LINGO1: variants seen among roughly 807,000 people sequenced by gnomAD.
The protein encoded by LINGO1 is leucine-rich repeat and immunoglobulin-like domain-containing nogo receptor-interacting protein 1.
In LINGO1, 11 loss-of-function variants were observed where a neutral mutation model predicts 37.3. That is an observed-to-expected ratio of 0.29 (90% CI 0.19 to 0.49). LINGO1 has a LOEUF of 0.49. LINGO1 is among the 20% of genes least tolerant of loss of function. LINGO1 has a pLI of 0.99. For missense variants in LINGO1, 585 were observed against 878.2 expected, an observed-to-expected ratio of 0.67 and a Z score of 4.22; for synonymous variants, 387 against 403.0, an observed-to-expected ratio of 0.96 and a Z score of 0.48.
At position 77,626,973 on chromosome 15, in the gene LINGO1, C is replaced by T. The variant is rs148151292; in HGVS notation, c.6+5337G>A. On this transcript the variant is annotated intron_variant, in intron 1 of 1. Transcript: ENST00000355300. ...GTCCCCGCCCCCCCAACCCCCCATCCGCAGCCCTGCACTGGGCTAGGCAGA... is the reference window on the plus strand; with the variant it reads ...GTCCCCGCCCCCCCAACCCCCCATCTGCAGCCCTGCACTGGGCTAGGCAGA... Among the ~76,000 whole-genome samples, 164 of 135,318 alleles carry T rather than the reference C, an allele frequency of 1.2e-3. 2 individuals carry two copies. Among genetic ancestry groups the T allele is most frequent in the African/African-American group, 5.0e-3 (149 of 29,976 alleles). The allele number at this position is 135,318 out of a possible 152,430, so 88.8% of individuals were successfully genotyped here. A position where few individuals can be genotyped will look rare whatever the true frequency, so the allele number is the denominator to read the frequency against.
intron 2 of LINGO1, among the ~76,000 whole-genome samples, chr15:77,679,119 T>G (rs2141222770): frequency 6.6e-6 from 1 of 152,298 alleles, no homozygotes. Context: ...AGGGCTGGTC[T>G]CGAACTCCTC....
chr15:77,614,361 T>G lies in LINGO1; in HGVS notation c.1546A>C (p.Ser516Arg). The G allele has an allele frequency of 6.2e-7, 1 of 1,613,828 alleles. No homozygotes were observed. Among genetic ancestry groups the G allele is most frequent in the Non-Finnish European group, 8.5e-7 (1 of 1,179,874 alleles). ...DSMPAHLHVR[S>R]YSPDWPHQPN... The stretch of plus-strand genomic sequence containing the variant: ...TGATGGGGCCAGTCGGGCGAGTAGC[T>G]GCGCACATGCAGGTGGGCGGGCATG... The change falls in exon 2 of 2, where the codon AGC becomes CGC. Residue 516 changes from serine to arginine, a missense_variant. Physicochemically the swap from Ser to Arg is moderately radical, Grantham distance 110. Coordinates refer to ENST00000355300, the MANE Select transcript of LINGO1 (RefSeq NM_032808.7).
At chr15:77,760,170 C>T (rs1483132211) in intron 1 of LINGO1, among the ~76,000 whole-genome samples, 3 of 152,064 alleles carry the variant, frequency 2.0e-5, no homozygotes, top group African/African-American at 4.8e-5. Context: ...CTCTCTCCTC[C>T]GTGGTGAAGG....
upstream of LINGO1, among the ~76,000 whole-genome samples, chr15:77,791,693 G>A (rs1341565906): frequency 6.6e-6 from 1 of 152,136 alleles, no homozygotes; most frequent in African/African-American, 2.4e-5. Flanking sequence ...GGCCTGGCCT[G>A]CTCCAGACTC....
chr15:77,804,263 C>G (rs1163679887), intron 1 of LINGO1, among the ~76,000 whole-genome samples: 1 of 152,204 alleles, frequency 6.6e-6, no homozygotes, highest in East Asian at 1.9e-4. Context: ...AAGCACCAGG[C>G]AGGAACAGGG....
At chr15:77,647,041 C>T (rs369369739) in intron 3 of LINGO1, among the ~76,000 whole-genome samples, 4 of 134,946 alleles carry the variant, frequency 3.0e-5, no homozygotes, top group South Asian at 2.6e-4. Flanking sequence ...GACGGGCCCC[C>T]GGTATTCACT....
Position 77,750,585 on chromosome 15 carries a change from T to G in LINGO1, c.-256-15532A>C, listed in dbSNP as rs2076361219. 2.6e-5 allele frequency among the ~76,000 whole-genome samples: 4 copies of G among 152,240 alleles called. No individual in the cohort carries two copies. The South Asian group carries it at 8.3e-4, about 32-fold the overall frequency. ...ATCTCTCCCACCTCCTGGGCCTGCT[T>G]CTGGTCTGGTCCACCCACCCAACCC... is the stretch of plus-strand genomic sequence containing the variant. On this transcript the variant is annotated intron_variant, in intron 1 of 3. Transcript: ENST00000561686.
chr15:77,743,326 C>T (rs935286068), intron 1 of LINGO1, among the ~76,000 whole-genome samples: 2 of 152,156 alleles, frequency 1.3e-5, no homozygotes, highest in Non-Finnish European at 2.9e-5. Context: ...GGACAGAGAG[C>T]CCCAGGGCCC....
intron 2 of LINGO1, among the ~76,000 whole-genome samples, chr15:77,792,603 C>G (rs947195581): frequency 6.6e-6 from 1 of 152,244 alleles, no homozygotes; most frequent in African/African-American, 2.4e-5. Context: ...CAGAGAAGGG[C>G]TCCAGAGAAG....
chr15:77,631,033 G>A (rs1159822737), intron 1 of LINGO1, among the ~76,000 whole-genome samples: 2 of 152,208 alleles, frequency 1.3e-5, no homozygotes, highest in Non-Finnish European at 2.9e-5. Flanking sequence ...AAGGGTCTGG[G>A]AGCAGCTGGC....
At chr15:77,635,924 C>A (rs1316951301), upstream of LINGO1, among the ~76,000 whole-genome samples, 1 of 152,240 alleles carries the variant, frequency 6.6e-6, no homozygotes, top group Non-Finnish European at 1.5e-5. Flanking sequence ...CTGCTCACTG[C>A]AAAGTGGAGA....
intron 3 of LINGO1, among the ~76,000 whole-genome samples, chr15:77,641,562 A>G (rs1168307807): frequency 2.6e-5 from 4 of 152,186 alleles, no homozygotes; most frequent in Non-Finnish European, 4.4e-5. Flanking sequence ...GTTAGCTAAG[A>G]CTAACGAAGG....
At chr15:77,658,673 G>C (rs1483721452) in intron 3 of LINGO1, among the ~76,000 whole-genome samples, 1 of 152,242 alleles carries the variant, frequency 6.6e-6, no homozygotes, top group East Asian at 1.9e-4. Flanking sequence ...GGGAATGTCT[G>C]CTTTCAGCAC....
chr15:77,736,187 G>A (rs1343564854), intron 1 of LINGO1, among the ~76,000 whole-genome samples: 1 of 152,232 alleles, frequency 6.6e-6, no homozygotes, highest in Non-Finnish European at 1.5e-5. Flanking sequence ...GTGCAAATGT[G>A]TGTGCAATCC....
chr15:77,641,261 G>A (rs1294845872), intron 3 of LINGO1, among the ~76,000 whole-genome samples: 1 of 152,202 alleles, frequency 6.6e-6, no homozygotes, highest in Non-Finnish European at 1.5e-5. Context: ...TTCTCCAGCT[G>A]ATGGGTCCCC....
chr15:77,670,366 T>A (rs1476822074), intron 3 of LINGO1, among the ~76,000 whole-genome samples: 1 of 152,266 alleles, frequency 6.6e-6, no homozygotes, highest in East Asian at 1.9e-4. Context: ...ATATTTCAAT[T>A]TTTTAAAACC....
At chr15:77,687,959 C>T (rs528513072) in intron 2 of LINGO1, among the ~76,000 whole-genome samples, 2 of 152,214 alleles carry the variant, frequency 1.3e-5, no homozygotes, top group African/African-American at 2.4e-5. Context: ...TTTATCCTTG[C>T]GGACAGGCTC....
At chr15:77,703,229 T>A (rs769297690) in intron 2 of LINGO1, among the ~76,000 whole-genome samples, 1 of 152,180 alleles carries the variant, frequency 6.6e-6, no homozygotes, top group South Asian at 2.1e-4. Flanking sequence ...TCTGGACCAG[T>A]TCCCCCATGA....
At chr15:77,717,553 C>T (rs1474969111) in intron 2 of LINGO1, among the ~76,000 whole-genome samples, 2 of 150,928 alleles carry the variant, frequency 1.3e-5, no homozygotes, top group South Asian at 2.1e-4. Context: ...TGTGAAAGCA[C>T]GTTTCCCTCT....
Sources: allele counts gnomAD v4.1 joint callset (sites outside exome capture counted in the v4.1 genomes callset), GRCh38; gene constraint gnomAD v4.1.1; transcripts MANE v1.5; gene names NCBI Gene and HGNC (gene_info 2026-07-23, HGNC 2026-07-21).